SLC9C1: variants seen among roughly 807,000 people sequenced by gnomAD.
The protein encoded by SLC9C1 is sodium/hydrogen exchanger 10.
Under a neutral mutation model 140.9 loss-of-function variants are expected in SLC9C1, and 97 were observed. That is an observed-to-expected ratio of 0.69 (90% CI 0.58 to 0.82). SLC9C1 has a LOEUF of 0.82. SLC9C1 is among the 40% of genes least tolerant of loss of function. SLC9C1 has a pLI of 0.00. For synonymous variants in SLC9C1, 440 were observed against 442.6 expected (o/e 0.99, Z 0.07); for missense variants, 1,340 against 1,389.3 (o/e 0.96, Z 0.56).
At chr3:112,214,361 A>C (rs932546141) in intron 15 of SLC9C1, among the ~76,000 whole-genome samples, 7 of 152,194 alleles carry the variant, frequency 4.6e-5, no homozygotes, top group Non-Finnish European at 1.0e-4. Flanking sequence ...CTAAGATCAG[A>C]GCAGAACTGA....
chr3:112,263,065 CA>C lies in SLC9C1; in HGVS notation c.1055del (p.Leu352CysfsTer15), dbSNP rs779214735. The C allele has an allele frequency of 6.3e-7, 1 of 1,582,492 alleles. No individual in the cohort carries two copies. The highest frequency in any genetic ancestry group is 1.2e-5 in the South Asian group (1 of 84,910). ...AACTGAACTCATGACCAACTCGAGA[CA>C]AAACAGGGCTTATTAAAAGAAGGGT... is the stretch of plus-strand genomic sequence containing the variant. ...FLTLLLISPV[L>X]SRVGHEFSWR... On this transcript the variant is annotated frameshift_variant, in exon 10 of 29. Transcript: ENST00000305815. LOFTEE classifies it high-confidence loss of function.
chr3:112,290,058 A>G (rs2080633046), intron 1 of SLC9C1, among the ~76,000 whole-genome samples: 1 of 152,216 alleles, frequency 6.6e-6, no homozygotes. Flanking sequence ...AGCCCCTGCC[A>G]TTAGGAAAGA....
intron 10 of SLC9C1, among the ~76,000 whole-genome samples, chr3:112,253,550 A>T (rs1230982513): frequency 6.6e-6 from 1 of 152,214 alleles, no homozygotes; most frequent in Non-Finnish European, 1.5e-5. Context: ...AACCAAAGAC[A>T]AGAAGTCATT....
At chr3:112,208,820 G>A (rs2078124673) in intron 15 of SLC9C1, among the ~76,000 whole-genome samples, 1 of 152,040 alleles carries the variant, frequency 6.6e-6, no homozygotes, top group African/African-American at 2.4e-5. Context: ...GAAGTTATAT[G>A]ACACATTTTT....
chr3:112,278,925 G>A, intron 3 of SLC9C1, 68 bp from the exon 4 acceptor site: 3 of 1,483,744 alleles, frequency 2.0e-6, no homozygotes, highest in Non-Finnish European at 1.8e-6. Flanking sequence ...CATGCTAGGT[G>A]CTCCTAAATC....
chr3:112,254,290 G>C (rs1443223573), intron 10 of SLC9C1, among the ~76,000 whole-genome samples: 2 of 152,106 alleles, frequency 1.3e-5, no homozygotes, highest in East Asian at 3.9e-4. Context: ...ACAATCATCA[G>C]ATTTTACAAT....
Position 112,180,568 on chromosome 3 carries a change from A to T in SLC9C1, c.2744T>A (p.Val915Glu). 2 of 1,605,264 alleles carry T rather than the reference A, an allele frequency of 1.2e-6. No individual in the cohort carries two copies. The highest frequency in any genetic ancestry group is 1.7e-6 in the Non-Finnish European group (2 of 1,177,308). ...AAACAAAAACCTCTGCCTTACCTTTACCATGCCTGAAATAATGATATAGAT... is the reference window on the plus strand; with the variant it reads ...AAACAAAAACCTCTGCCTTACCTTTTCCATGCCTGAAATAATGATATAGAT... ...KGIYIIISGM[V>E]KLEKSKPGLG... The change falls in exon 22 of 29, where the codon GTA becomes GAA. Residue 915 changes from valine (V) to glutamate (E), a missense_variant. Coordinates refer to ENST00000305815, the MANE Select transcript of SLC9C1 (RefSeq NM_183061.3).
At chr3:112,185,747 C>A in intron 20 of SLC9C1, 2 of 1,540,504 alleles carry the variant, frequency 1.3e-6, no homozygotes, top group Non-Finnish European at 1.7e-6. Flanking sequence ...CCCGGCCTGC[C>A]GGGCTGTCCT....
intron 12 of SLC9C1, among the ~76,000 whole-genome samples, chr3:112,234,819 T>G (rs540025022): frequency 2.4e-4 from 36 of 152,280 alleles, no homozygotes; most frequent in African/African-American, 8.4e-4. Flanking sequence ...AGGACTCTGT[T>G]CTGTTCCATT....
At chr3:112,271,167 G>T (rs1025000735) in intron 6 of SLC9C1, among the ~76,000 whole-genome samples, 70 of 152,060 alleles carry the variant, frequency 4.6e-4, no homozygotes, top group African/African-American at 1.5e-3. Flanking sequence ...CAGAGGCTGG[G>T]GATGTAGGGA....
intron 10 of SLC9C1, among the ~76,000 whole-genome samples, chr3:112,251,961 G>A (rs1294515653): frequency 6.6e-6 from 1 of 152,162 alleles, no homozygotes; most frequent in Non-Finnish European, 1.5e-5. Context: ...TGCCACTTTT[G>A]CTGGGAAGCC....
At position 112,168,883 on chromosome 3, in the gene SLC9C1, G is replaced by A. The variant is rs751901637; in HGVS notation, c.3231C>T (p.Cys1077=). ...YRAPFLIPIT[C]HQIQSIEDFT... ...GGAATCAATATTTCTTTACCTGATG[G>A]CATGTTATAGGAATTAAGAAAGGTG... is the stretch of plus-strand genomic sequence containing the variant. The change falls in exon 25 of 29, where the codon TGC becomes TGT. Residue 1077 remains cysteine (C), a synonymous_variant. Coordinates refer to ENST00000305815, the MANE Select transcript of SLC9C1 (RefSeq NM_183061.3). 17 of 1,582,284 alleles carry A rather than the reference G, an allele frequency of 1.1e-5. No homozygotes were observed. Among genetic ancestry groups the A allele is most frequent in the Non-Finnish European group, 1.5e-5 (17 of 1,168,694 alleles).
chr3:112,150,793 C>CATAT (rs1234813804), intron 28 of SLC9C1, among the ~76,000 whole-genome samples: 1 of 56,872 alleles, frequency 1.8e-5, no homozygotes, highest in African/African-American at 6.1e-5. Context: ...AATACATATA[C>CATAT]ATATATATAT....
At chr3:112,231,021 AC>A (rs2078806242) in intron 13 of SLC9C1, among the ~76,000 whole-genome samples, 1 of 152,214 alleles carries the variant, frequency 6.6e-6, no homozygotes, top group South Asian at 2.1e-4. Flanking sequence ...TGCAATTTCT[AC>A]AATTGGGATC....
chr3:112,229,986 C>T (rs549566090), intron 13 of SLC9C1, among the ~76,000 whole-genome samples: 2 of 152,150 alleles, frequency 1.3e-5, no homozygotes, highest in East Asian at 3.9e-4. Context: ...TTTGGTTAGT[C>T]TACCTCATTT....
chr3:112,281,293 G>A (rs2080350903), intron 2 of SLC9C1, among the ~76,000 whole-genome samples: 1 of 152,174 alleles, frequency 6.6e-6, no homozygotes. Context: ...GTAAGGCTGA[G>A]CCTGAGAATG....
At chr3:112,226,154 C>A (rs1242387256) in intron 13 of SLC9C1, among the ~76,000 whole-genome samples, 1 of 151,970 alleles carries the variant, frequency 6.6e-6, no homozygotes, top group East Asian at 1.9e-4. Context: ...CAAAACAAGC[C>A]CCCCAAATTT....
At chr3:112,208,995 A>G (rs1040227948) in intron 15 of SLC9C1, among the ~76,000 whole-genome samples, 3 of 152,326 alleles carry the variant, frequency 2.0e-5, no homozygotes, top group African/African-American at 7.2e-5. Flanking sequence ...TAGCTTCCAT[A>G]TTCAATATGA....
Position 112,236,139 on chromosome 3 carries a change from A to G in SLC9C1, c.1446+3701T>C, listed in dbSNP as rs879682086. 5.3e-5 allele frequency among the ~76,000 whole-genome samples: 8 copies of G among 152,118 alleles called. No homozygotes were observed. The South Asian group carries it at 1.0e-3, about 20-fold the overall frequency. On this transcript the variant is annotated intron_variant, in intron 12 of 28. Coordinates refer to ENST00000305815, the MANE Select transcript of SLC9C1 (RefSeq NM_183061.3). The stretch of plus-strand genomic sequence containing the variant: ...TGGTAAGCTATTAATTATTGCTTCC[A>G]TTTCAGAGCCTGTTATTGGTCTATT...
Sources: allele counts gnomAD v4.1 joint callset (sites outside exome capture counted in the v4.1 genomes callset), GRCh38; gene constraint gnomAD v4.1.1; transcripts MANE v1.5; gene names NCBI Gene and HGNC (gene_info 2026-07-23, HGNC 2026-07-21).